Variants in CHL1 observed in about 807,000 individuals in gnomAD.
CHL1 encodes the protein neural cell adhesion molecule L1-like protein.
A neutral mutation model predicts 141.9 loss-of-function variants in CHL1; 96 were observed. That is an observed-to-expected ratio of 0.68 (90% CI 0.57 to 0.80). The LOEUF (loss-of-function observed/expected upper bound fraction) is 0.80. Among genes scored for constraint, CHL1 ranks in the 30% least tolerant of loss-of-function variants. The probability of loss-of-function intolerance (pLI) is 0.00; values close to 1 mark genes in which losing one functional copy is unlikely to be tolerated. For synonymous variants in CHL1, 613 were observed against 502.2 expected, an observed-to-expected ratio of 1.22 and a Z score of -2.95; for missense variants, 1,820 against 1,457.2, an observed-to-expected ratio of 1.25 and a Z score of -4.05.
chr3:396,158 A>G (rs563131544), intron 24 of CHL1, among the ~76,000 whole-genome samples: 4 of 152,330 alleles, frequency 2.6e-5, no homozygotes, highest in Admixed American at 2.6e-4. Context: ...ATTGAACACC[A>G]AGTGAAATGA....
At chr3:318,588 A>T (rs1700313936) in intron 2 of CHL1, among the ~76,000 whole-genome samples, 1 of 151,686 alleles carries the variant, frequency 6.6e-6, no homozygotes, top group African/African-American at 2.4e-5. Flanking sequence ...CTTAATTCTT[A>T]TTCTATTTCT....
rs746600371 is a variant in CHL1 at position 390,707 on chromosome 3, A to T, written c.2477A>T (p.Asp826Val). Residue 826 changes from aspartate (D) to valine (V), a missense_variant, in exon 21 of 28, where the codon GAT (aspartate) becomes GTT (valine). Coordinates refer to ENST00000256509, the MANE Select transcript of CHL1 (RefSeq NM_006614.4). ...VTLYSGEDYP[D>V]TAPVIHGVDV... ...AATCTTCTATGATTAACAGATCCTG[A>T]TACAGCTCCAGTGATCCATGGGGTG... The T allele has an allele frequency of 6.4e-7, 1 of 1,560,948 alleles. No individual in the cohort carries two copies. Among genetic ancestry groups the T allele is most frequent in the Admixed American group, 1.7e-5 (1 of 59,878 alleles).
chr3:403,732 T>G (rs1463724455), intron 27 of CHL1, among the ~76,000 whole-genome samples: 2 of 152,176 alleles, frequency 1.3e-5, no homozygotes, highest in Non-Finnish European at 2.9e-5. Flanking sequence ...ATGACATCCC[T>G]TTATAGTAGC....
intron 18 of CHL1, among the ~76,000 whole-genome samples, chr3:383,369 T>TTAAAAC: frequency 6.6e-6 from 1 of 152,198 alleles, no homozygotes; most frequent in African/African-American, 2.4e-5. Context: ...TTTGATGTCC[T>TTAAAAC]TAAAACTTGG....
intron 27 of CHL1, among the ~76,000 whole-genome samples, chr3:405,248 C>G (rs1382278729): frequency 6.6e-6 from 1 of 152,130 alleles, no homozygotes; most frequent in Non-Finnish European, 1.5e-5. Flanking sequence ...TAAAGAGAAG[C>G]ACAAATGTTG....
Position 340,898 on chromosome 3 carries a change from A to T in CHL1, c.490A>T (p.Ile164Phe). Residue 164 changes from isoleucine (I) to phenylalanine (F), a missense_variant, in exon 6 of 28, where the codon ATT (isoleucine) becomes TTT (phenylalanine). By Grantham distance (21) the Ile-to-Phe change is conservative (BLOSUM62 0). Transcript: ENST00000256509. ...TCCCAAAGGCCTCCCACCTTTACAC[A>T]TTTATTGGATGAATATTGGTAAGTA... ...NPPKGLPPLH[I>F]YWMNIELEHI... 6 of 1,612,850 alleles carry T rather than the reference A, an allele frequency of 3.7e-6. No homozygotes were observed. Among genetic ancestry groups the T allele is most frequent in the Non-Finnish European group, 5.1e-6 (6 of 1,179,178 alleles).
At chr3:210,458 C>T (rs1699818720) in intron 1 of CHL1, among the ~76,000 whole-genome samples, 1 of 152,166 alleles carries the variant, frequency 6.6e-6, no homozygotes, top group Non-Finnish European at 1.5e-5. Context: ...ATGACCCATG[C>T]AATGGCAAGG....
intron 3 of CHL1, among the ~76,000 whole-genome samples, chr3:322,726 C>G (rs541238234): frequency 6.9e-6 from 1 of 145,302 alleles, no homozygotes; most frequent in East Asian, 2.0e-4. Flanking sequence ...TACCTGTAGT[C>G]CTAGCTACTT....
chr3:211,201 A>G (rs1221611564), intron 1 of CHL1, among the ~76,000 whole-genome samples: 2 of 152,160 alleles, frequency 1.3e-5, no homozygotes, highest in Admixed American at 1.3e-4. Context: ...ATTTCCTTCT[A>G]TTTATTGATT....
intron 2 of CHL1, among the ~76,000 whole-genome samples, chr3:293,620 C>A (rs1269263112): frequency 6.6e-6 from 1 of 152,040 alleles, no homozygotes; most frequent in Non-Finnish European, 1.5e-5. Context: ...AAATCAAAGA[C>A]CCAGCGTCAT....
chr3:287,629 C>T (rs1226476877), intron 2 of CHL1, among the ~76,000 whole-genome samples: 1 of 152,184 alleles, frequency 6.6e-6, no homozygotes, highest in Non-Finnish European at 1.5e-5. Context: ...ATACATAGAA[C>T]TAACTGGATT....
intron 7 of CHL1, among the ~76,000 whole-genome samples, chr3:342,334 C>T (rs867351943): frequency 5.9e-5 from 9 of 152,180 alleles, no homozygotes; most frequent in South Asian, 2.1e-4. Context: ...AGGATCTTGT[C>T]ATTTTCAGTG....
intron 10 of CHL1, among the ~76,000 whole-genome samples, chr3:350,501 A>C (rs977375094): frequency 6.6e-6 from 1 of 152,206 alleles, no homozygotes; most frequent in Non-Finnish European, 1.5e-5. Context: ...ACTACAATTT[A>C]GTGAACTAGT....
intron 2 of CHL1, among the ~76,000 whole-genome samples, chr3:258,536 A>G (rs1338722123): frequency 1.3e-5 from 2 of 152,154 alleles, no homozygotes; most frequent in African/African-American, 4.8e-5. Flanking sequence ...CTGTTCTATT[A>G]CTTTCACATG....
chr3:226,027 A>G (rs1701310147), intron 1 of CHL1, among the ~76,000 whole-genome samples: 1 of 151,372 alleles, frequency 6.6e-6, no homozygotes, highest in African/African-American at 2.4e-5. Flanking sequence ...AGACACGTTA[A>G]TCTTAACTTT....
At chr3:354,513 A>T (rs751372304) in intron 10 of CHL1, 127 bp from the exon 11 acceptor site, 97 of 1,047,526 alleles carry the variant, frequency 9.3e-5, no homozygotes, top group Non-Finnish European at 1.2e-4. Context: ...GTTTACCAAA[A>T]AGAGCTACTA....
At chr3:205,220 C>G (rs1699317233) in intron 1 of CHL1, among the ~76,000 whole-genome samples, 1 of 151,112 alleles carries the variant, frequency 6.6e-6, no homozygotes, top group South Asian at 2.1e-4. Context: ...AAGTTATTCT[C>G]TCACCTCAGC....
At position 349,493 on chromosome 3, in the gene CHL1, C is replaced by T. The variant is rs916629140; in HGVS notation, c.983C>T (p.Ala328Val). 14 of 1,613,698 alleles carry T rather than the reference C, an allele frequency of 8.7e-6. No individual in the cohort carries two copies. The highest frequency in any genetic ancestry group is 1.7e-5 in the Admixed American group (1 of 59,936). Residue 328 changes from alanine to valine, a missense_variant, in exon 10 of 28, where the codon GCC (alanine) becomes GTC (valine). Physicochemically the swap from Ala to Val is moderately conservative, Grantham distance 64. Coordinates refer to ENST00000256509, the MANE Select transcript of CHL1 (RefSeq NM_006614.4). ...YQDKGNYRCTASNFLGTATHD... is the reference protein window; with the variant it reads ...YQDKGNYRCTVSNFLGTATHD... ...GACAAAGGAAATTATCGCTGCACAG[C>T]CAGCAATTTCTTGGGAACAGCCACT...
intron 2 of CHL1, among the ~76,000 whole-genome samples, chr3:265,345 C>G (rs970718091): frequency 1.3e-5 from 2 of 152,218 alleles, no homozygotes; most frequent in African/African-American, 4.8e-5. Flanking sequence ...TTAGAGTGCA[C>G]AGACTAAATG....
Sources: allele counts gnomAD v4.1 joint callset (sites outside exome capture counted in the v4.1 genomes callset), GRCh38; gene constraint gnomAD v4.1.1; transcripts MANE v1.5; gene names NCBI Gene and HGNC (gene_info 2026-07-23, HGNC 2026-07-21).